Variants in ACACA observed in about 807,000 individuals in gnomAD.
ACACA encodes the protein acetyl-CoA carboxylase 1.
A neutral mutation model predicts 296.1 loss-of-function variants in ACACA; 103 were observed. That is an observed-to-expected ratio of 0.35 (90% CI 0.30 to 0.41). ACACA has a LOEUF of 0.41. Among genes scored for constraint, ACACA ranks in the 10% least tolerant of loss-of-function variants. The pLI is 1.00. For missense variants in ACACA, 1,554 were observed against 2,989.7 expected (o/e 0.52, Z 11.20); for synonymous variants, 953 against 1,038.6 (o/e 0.92, Z 1.58).
intron 25 of ACACA, among the ~76,000 whole-genome samples, chr17:37,230,128 T>C (rs1336465463): frequency 6.6e-6 from 1 of 151,616 alleles, no homozygotes; most frequent in Non-Finnish European, 1.5e-5. Context: ...CTCACACCTG[T>C]AATCCCAGCA....
intron 45 of ACACA, among the ~76,000 whole-genome samples, chr17:37,143,328 A>G (rs1257057414): frequency 6.6e-6 from 1 of 151,846 alleles, no homozygotes; most frequent in African/African-American, 2.4e-5. Context: ...CAGTTAACAG[A>G]ACAATTGTTT....
intron 15 of ACACA, among the ~76,000 whole-genome samples, chr17:37,252,546 C>T (rs1172588924): frequency 1.3e-5 from 2 of 152,166 alleles, no homozygotes; most frequent in Non-Finnish European, 2.9e-5. Context: ...TAAGTGATAA[C>T]TCTTGATCTA....
chr17:37,171,652 T>C (rs558636358), intron 41 of ACACA, among the ~76,000 whole-genome samples: 2 of 150,006 alleles, frequency 1.3e-5, no homozygotes, highest in East Asian at 3.9e-4. Flanking sequence ...TCAACCTCTC[T>C]AAACAGCGAT....
At chr17:37,104,680 G>C (rs1398090304) in intron 52 of ACACA, among the ~76,000 whole-genome samples, 1 of 152,202 alleles carries the variant, frequency 6.6e-6, no homozygotes, top group Non-Finnish European at 1.5e-5. Flanking sequence ...GGTGGGTCAT[G>C]CCTGTAATAT....
chr17:37,211,008 C>T (rs1021373100), intron 29 of ACACA, among the ~76,000 whole-genome samples: 1 of 152,144 alleles, frequency 6.6e-6, no homozygotes, highest in Admixed American at 6.5e-5. Flanking sequence ...AAATTCTCCA[C>T]CAAAGAAAAG....
At chr17:37,405,553 CCTTTT>C (rs1295926955) in intron 1 of ACACA, among the ~76,000 whole-genome samples, 5 of 152,004 alleles carry the variant, frequency 3.3e-5, no homozygotes, top group Non-Finnish European at 7.4e-5. Context: ...GTTTTTCTTT[CCTTTT>C]CTTTTCTTTT....
rs537775243 is a variant in ACACA, at chr17:37,165,213, G to A, written c.5080-3163C>T. Among the ~76,000 whole-genome samples the A allele has an allele frequency of 2.8e-5, 4 of 144,342 alleles. No individual in the cohort carries two copies. The East Asian group carries it at 8.4e-4, about 30-fold the overall frequency. The allele number at this position is 144,342 out of a possible 152,430, so 94.7% of individuals were successfully genotyped here. On this transcript the variant is annotated intron_variant, in intron 41 of 55. Transcript: ENST00000616317. The stretch of plus-strand genomic sequence containing the variant: ...AAGATTCCTGATCAGAAGACATTCA[G>A]TTTTGAGGTAGCATGATGGACAAAC...
In ACACA at chr17:37,270,657, A is replaced by G. The variant is rs1183497332; in HGVS notation, c.1119+94T>C. On this transcript the variant is annotated intron_variant, in intron 10 of 55. Transcript: ENST00000616317. ...AGCTATAGACAAAATTAAAAATTAA[A>G]TATTTTCTGGGCATCCAAATTATAG... 5 of 970,482 alleles carry G rather than the reference A, an allele frequency of 5.2e-6. No homozygotes were observed. In the African/African-American group the frequency reaches 6.5e-5, roughly 13 times the overall value. 60.1% of individuals were successfully genotyped at this position (970,482 alleles called of 1,614,324 possible).
intron 43 of ACACA, 118 bp downstream of exon 43, chr17:37,155,565 T>G: frequency 1.3e-6 from 1 of 769,782 alleles, no homozygotes; most frequent in Non-Finnish European, 2.3e-6. Flanking sequence ...CTAAAACATC[T>G]AGATTATGTC....
chr17:37,301,856 C>T (rs1220773849), intron 3 of ACACA, among the ~76,000 whole-genome samples: 1 of 152,162 alleles, frequency 6.6e-6, no homozygotes, highest in Admixed American at 6.5e-5. Flanking sequence ...AGAAAGGCTG[C>T]TGGAAATTTG....
At chr17:37,406,125 G>A (rs899801113) in intron 1 of ACACA, 137 bp downstream of exon 1, 6 of 935,070 alleles carry the variant, frequency 6.4e-6, no homozygotes, top group African/African-American at 4.9e-5. Flanking sequence ...ATAACAACAG[G>A]TGCCTACCTC....
Position 37,227,267 on chromosome 17 carries a change from A to G in ACACA, c.3247-815T>C, listed in dbSNP as rs188770954. 4.6e-5 allele frequency among the ~76,000 whole-genome samples: 7 copies of G among 152,292 alleles called. No individual in the cohort carries two copies. The East Asian group carries it at 1.3e-3, about 29-fold the overall frequency. The stretch of plus-strand genomic sequence containing the variant: ...CCTAAATTCATCCATTATCCATGCA[A>G]TTTCCATCTAAGCTGAAAAAAATGT... On this transcript the variant is annotated intron_variant, in intron 25 of 55. Coordinates refer to ENST00000616317, the MANE Select transcript of ACACA (RefSeq NM_198834.3).
intron 25 of ACACA, among the ~76,000 whole-genome samples, chr17:37,230,474 T>G (rs1341079788): frequency 4.6e-5 from 7 of 152,156 alleles, no homozygotes; most frequent in Admixed American, 4.6e-4. Flanking sequence ...AACCACTATT[T>G]TCGTTAGTCT....
At chr17:37,331,027 C>T (rs992160765) in intron 2 of ACACA, among the ~76,000 whole-genome samples, 15 of 152,174 alleles carry the variant, frequency 9.9e-5, no homozygotes, top group Admixed American at 2.6e-4. Context: ...CCTCCTACCT[C>T]AGCCTCCCCA....
chr17:37,283,162 T>G (rs956822676), intron 5 of ACACA, 105 bp downstream of exon 5: 25 of 1,347,354 alleles, frequency 1.9e-5, no homozygotes, highest in Non-Finnish European at 2.5e-5. Context: ...TACTTGGAAG[T>G]CCTATGTTTG....
intron 45 of ACACA, chr17:37,140,982 G>T (rs934010080): frequency 7.8e-6 from 3 of 385,388 alleles, no homozygotes; most frequent in Non-Finnish European, 1.5e-5. Context: ...AGTAGCCTCT[G>T]TGCATGGGGA....
intron 38 of ACACA, among the ~76,000 whole-genome samples, chr17:37,188,803 G>A (rs917873437): frequency 1.3e-5 from 2 of 152,070 alleles, no homozygotes; most frequent in Admixed American, 6.5e-5. Flanking sequence ...CAAGCCATGG[G>A]ATTTAAGAGG....
At chr17:37,405,195 CCTAA>C (rs557557506) in intron 1 of ACACA, among the ~76,000 whole-genome samples, 22 of 152,122 alleles carry the variant, frequency 1.4e-4, no homozygotes, top group Non-Finnish European at 2.2e-4. Context: ...CCTTATCTAC[CCTAA>C]CTAAGAGAAT....
intron 29 of ACACA, chr17:37,221,460 T>G: frequency 2.5e-6 from 1 of 406,050 alleles, no homozygotes; most frequent in South Asian, 2.8e-5. Context: ...TCTAATTTTT[T>G]AAAAAAGAAA....
Sources: allele counts gnomAD v4.1 joint callset (sites outside exome capture counted in the v4.1 genomes callset), GRCh38; gene constraint gnomAD v4.1.1; transcripts MANE v1.5; gene names NCBI Gene and HGNC (gene_info 2026-07-23, HGNC 2026-07-21).